PIP5K1C: variants seen among roughly 807,000 people sequenced by gnomAD.
PIP5K1C encodes phosphatidylinositol 4-phosphate 5-kinase type-1 gamma.
A neutral mutation model predicts 80.1 loss-of-function variants in PIP5K1C; 45 were observed. That is an observed-to-expected ratio of 0.56 (90% CI 0.44 to 0.72). The LOEUF (loss-of-function observed/expected upper bound fraction) is 0.72, where lower values mean the gene tolerates loss of function less well. Among genes scored for constraint, PIP5K1C ranks in the 30% least tolerant of loss-of-function variants. The pLI is 0.00. For missense variants in PIP5K1C, 753 were observed against 954.6 expected, an observed-to-expected ratio of 0.79 and a Z score of 2.78; for synonymous variants, 498 against 420.1, an observed-to-expected ratio of 1.19 and a Z score of -2.27.
chr19:3,671,651 A>T lies in PIP5K1C; in HGVS notation c.95-4298T>A, dbSNP rs978995682. Among the ~76,000 whole-genome samples the T allele has an allele frequency of 3.4e-4, 52 of 152,332 alleles. 1 individual carries two copies. The highest frequency in any genetic ancestry group is 1.2e-3 in the African/African-American group (51 of 41,576). On this transcript the variant is annotated intron_variant, in intron 1 of 17. Coordinates refer to ENST00000335312, the MANE Select transcript of PIP5K1C (RefSeq NM_012398.3). ...AGGGAAAATGTGGGGCTCCCAGGGCAGGCAGGAACGGGCAGCAAGGGGAGA... is the reference window on the plus strand; with the variant it reads ...AGGGAAAATGTGGGGCTCCCAGGGCTGGCAGGAACGGGCAGCAAGGGGAGA...
chr19:3,661,150 G>A, intron 4 of PIP5K1C, 67 bp from the exon 5 acceptor site: 1 of 1,047,628 alleles, frequency 9.5e-7, no homozygotes, highest in East Asian at 2.4e-5. Flanking sequence ...CCCCGCCATG[G>A]TCCCTCCTAG....
rs1200791755 is a variant in PIP5K1C, at chr19:3,653,174, T to C, written c.921+116A>G. 7.9e-6 allele frequency: 7 copies of C among 889,156 alleles called. No individual in the cohort carries two copies. In the Admixed American group the frequency reaches 1.6e-4, roughly 20 times the overall value. 55.1% of individuals were successfully genotyped at this position (889,156 alleles called of 1,614,324 possible). ...CACTGGGGTGGGGCCTGCTGTAGGC[T>C]GCAGGGCAGGTGGGCCTCGGCCTGG... is the stretch of plus-strand genomic sequence containing the variant. On this transcript the variant is annotated intron_variant, in intron 7 of 17. Transcript: ENST00000335312.
intron 1 of PIP5K1C, among the ~76,000 whole-genome samples, chr19:3,681,315 C>T (rs1473971639): frequency 6.6e-6 from 1 of 151,728 alleles, no homozygotes; most frequent in East Asian, 1.9e-4. Flanking sequence ...ACTGCAACCT[C>T]TGCCTCCTGG....
In PIP5K1C at chr19:3,633,160, A is replaced by G. The variant is rs747435471; in HGVS notation, c.*7T>C. 4 of 767,064 alleles carry G rather than the reference A, an allele frequency of 5.2e-6. No homozygotes were observed. The highest frequency in any genetic ancestry group is 2.8e-5 in the South Asian group (2 of 72,490). 47.5% of individuals were successfully genotyped at this position (767,064 alleles called of 1,614,324 possible). A position where few individuals can be genotyped will look rare whatever the true frequency, so the allele number is the denominator to read the frequency against. On this transcript the variant is annotated 3_prime_UTR_variant, in exon 18 of 18. Transcript: ENST00000335312. ...AGCTCGGCTCTGGGTCGGGGGCTGC[A>G]TAGAAATTACTGCAAGAGCAAGAGG...
chr19:3,645,201 C>T (rs2034161391), intron 11 of PIP5K1C, among the ~76,000 whole-genome samples: 2 of 152,210 alleles, frequency 1.3e-5, no homozygotes, highest in African/African-American at 4.8e-5. Flanking sequence ...GGGTGCGGAC[C>T]CGCAGATCAT....
intron 16 of PIP5K1C, among the ~76,000 whole-genome samples, chr19:3,634,510 G>A (rs1468056035): frequency 6.6e-6 from 1 of 152,186 alleles, no homozygotes; most frequent in Non-Finnish European, 1.5e-5. Flanking sequence ...CACCTGCCTG[G>A]CCACGTCCAC....
At chr19:3,643,953 G>A in intron 12 of PIP5K1C, 134 bp downstream of exon 12, 1 of 1,072,208 alleles carries the variant, frequency 9.3e-7, no homozygotes, top group East Asian at 2.6e-5. Context: ...CCCACTCCCT[G>A]GGCAGGCGGC....
At chr19:3,666,357 G>T (rs147172839) in intron 2 of PIP5K1C, among the ~76,000 whole-genome samples, 44 of 152,348 alleles carry the variant, frequency 2.9e-4, no homozygotes, top group African/African-American at 1.0e-3. Context: ...AAGGCCACTC[G>T]GCGCCACGGG....
chr19:3,657,236 G>A (rs532335738), intron 5 of PIP5K1C, among the ~76,000 whole-genome samples: 6 of 152,206 alleles, frequency 3.9e-5, no homozygotes, highest in East Asian at 1.9e-4. Flanking sequence ...CTGCCCCCAC[G>A]CCCTCTCCTG....
chr19:3,634,832 C>A (rs1235612077), intron 16 of PIP5K1C, among the ~76,000 whole-genome samples: 1 of 152,260 alleles, frequency 6.6e-6, no homozygotes, highest in East Asian at 1.9e-4. Context: ...ACCCCTGTTC[C>A]CGGGCCCTGG....
At chr19:3,659,223 A>G (rs4807497) in intron 5 of PIP5K1C, among the ~76,000 whole-genome samples, 100,112 of 152,188 alleles carry the variant, frequency 0.66, 33,339 homozygotes, top group East Asian at 0.92. Context: ...CCGCTGTGGC[A>G]CACGGCCACA....
chr19:3,697,492 C>T (rs538557165), intron 1 of PIP5K1C, among the ~76,000 whole-genome samples: 3 of 150,522 alleles, frequency 2.0e-5, no homozygotes, highest in African/African-American at 2.4e-5. Flanking sequence ...CGGGGAGGAC[C>T]GAGCTGGACC....
intron 4 of PIP5K1C, 116 bp downstream of exon 4, chr19:3,661,755 G>A (rs1205367406): frequency 1.6e-6 from 2 of 1,267,426 alleles, no homozygotes; most frequent in Non-Finnish European, 2.3e-6. Context: ...GGCCAAGGAG[G>A]CGCCAGGAGG....
intron 1 of PIP5K1C, among the ~76,000 whole-genome samples, chr19:3,689,218 C>T (rs556133332): frequency 6.6e-6 from 1 of 151,828 alleles, no homozygotes; most frequent in Non-Finnish European, 1.5e-5. Flanking sequence ...GAAATAAAAA[C>T]GAACATACAA....
At chr19:3,665,954 A>ATCCCTG (rs2034992689) in intron 2 of PIP5K1C, among the ~76,000 whole-genome samples, 1 of 151,606 alleles carries the variant, frequency 6.6e-6, no homozygotes, top group Admixed American at 6.6e-5. Context: ...TGCAGCCCTG[A>ATCCCTG]CCCCTGCCCC....
At chr19:3,681,522 G>T (rs922022706) in intron 1 of PIP5K1C, among the ~76,000 whole-genome samples, 5 of 152,068 alleles carry the variant, frequency 3.3e-5, no homozygotes, top group Non-Finnish European at 4.4e-5. Context: ...ATGAGCCACC[G>T]CGCCTGGCCC....
chr19:3,679,113 C>A (rs960876576), intron 1 of PIP5K1C, among the ~76,000 whole-genome samples: 3 of 151,018 alleles, frequency 2.0e-5, no homozygotes, highest in Admixed American at 2.0e-4. Context: ...TTTGAAAATT[C>A]TCTTTAAAAA....
At chr19:3,678,704 C>A (rs571296135) in intron 1 of PIP5K1C, among the ~76,000 whole-genome samples, 58 of 24,390 alleles carry the variant, frequency 2.4e-3, no homozygotes, top group Non-Finnish European at 3.3e-3. Flanking sequence ...AGATGGAGGG[C>A]GGGAGGGATG....
intron 15 of PIP5K1C, among the ~76,000 whole-genome samples, chr19:3,640,952 G>A (rs946282162): frequency 2.0e-5 from 3 of 152,162 alleles, no homozygotes; most frequent in African/African-American, 7.2e-5. Flanking sequence ...CTCCCAAAGT[G>A]CTGGGATTAC....
Sources: gnomAD v4.1 joint callset for allele counts (sites outside exome capture counted in the v4.1 genomes callset) on GRCh38, gnomAD v4.1.1 for gene constraint, MANE v1.5 for transcripts, NCBI Gene and HGNC (gene_info 2026-07-23, HGNC 2026-07-21) for gene names.